KSR2: variants seen among roughly 807,000 people sequenced by gnomAD.
KSR2 encodes kinase suppressor of ras 2.
In KSR2, 25 loss-of-function variants were observed where a neutral mutation model predicts 107.8. That is an observed-to-expected ratio of 0.23 (90% CI 0.17 to 0.32). The LOEUF (loss-of-function observed/expected upper bound fraction) is 0.32. Ranked by LOEUF, KSR2 falls within the 10% of genes least tolerant of loss-of-function variation. The probability of loss-of-function intolerance (pLI) is 1.00; values close to 1 mark genes in which losing one functional copy is unlikely to be tolerated. For missense variants in KSR2, 887 were observed against 1,268.9 expected (o/e 0.70, Z 4.57); for synonymous variants, 480 against 507.0 (o/e 0.95, Z 0.71).
At chr12:117,600,848 T>C (rs1880900985) in intron 5 of KSR2, among the ~76,000 whole-genome samples, 1 of 152,104 alleles carries the variant, frequency 6.6e-6, no homozygotes, top group Non-Finnish European at 1.5e-5. Context: ...AAAGATGTTC[T>C]CTGTACTTGC....
rs569665328 is a variant in KSR2, at chr12:117,803,656, T to G, written c.473-42132A>C. ...AGGCGGAGCTTGCAATGAGCCGAGATCGCACCACTGCATTCCAGCCTGGGC... is the reference window on the plus strand; with the variant it reads ...AGGCGGAGCTTGCAATGAGCCGAGAGCGCACCACTGCATTCCAGCCTGGGC... On this transcript the variant is annotated intron_variant, in intron 3 of 19. Coordinates refer to ENST00000339824, the MANE Select transcript of KSR2 (RefSeq NM_173598.6). Among the ~76,000 whole-genome samples, 137 of 152,192 alleles carry G rather than the reference T, an allele frequency of 9.0e-4. 1 individual carries two copies. The highest frequency in any genetic ancestry group is 1.5e-3 in the Non-Finnish European group (99 of 68,010).
At chr12:117,899,740 C>A (rs1041486129) in intron 1 of KSR2, among the ~76,000 whole-genome samples, 17 of 152,140 alleles carry the variant, frequency 1.1e-4, no homozygotes, top group Non-Finnish European at 2.4e-4. Flanking sequence ...GATGGGATAT[C>A]ACTCCCATAA....
intron 5 of KSR2, among the ~76,000 whole-genome samples, chr12:117,640,869 C>T (rs1883325021): frequency 1.3e-5 from 2 of 152,124 alleles, no homozygotes; most frequent in African/African-American, 4.8e-5. Context: ...CTGAGAAGAG[C>T]TCATGTCACT....
In KSR2 at chr12:117,584,846, A is replaced by C. The variant is rs971107510; in HGVS notation, c.1172-2487T>G. 3.3e-5 allele frequency among the ~76,000 whole-genome samples: 5 copies of C among 152,340 alleles called. No individual in the cohort carries two copies. The East Asian group carries it at 9.6e-4, about 29-fold the overall frequency. On this transcript the variant is annotated intron_variant, in intron 5 of 19. Transcript: ENST00000339824. ...CAGGCTATCATTATTCCCGTTGTGC[A>C]AAGGAAAACAAAAGGAGCTCAGAGA... is the stretch of plus-strand genomic sequence containing the variant.
intron 7 of KSR2, among the ~76,000 whole-genome samples, chr12:117,568,498 T>C (rs1878677061): frequency 6.6e-6 from 1 of 152,176 alleles, no homozygotes; most frequent in Non-Finnish European, 1.5e-5. Context: ...AAGTCTGGGA[T>C]CGTGAATCTG....
chr12:117,728,102 G>A (rs1447545309), intron 4 of KSR2, among the ~76,000 whole-genome samples: 2 of 152,188 alleles, frequency 1.3e-5, no homozygotes, highest in African/African-American at 4.8e-5. Context: ...TGGGGTGGAG[G>A]AGAAATATTC....
chr12:117,917,768 A>G (rs930798540), intron 1 of KSR2, among the ~76,000 whole-genome samples: 3 of 152,172 alleles, frequency 2.0e-5, no homozygotes, highest in Non-Finnish European at 4.4e-5. Context: ...GCCTTACTGT[A>G]CATGGCCGAG....
intron 3 of KSR2, among the ~76,000 whole-genome samples, chr12:117,782,623 G>A (rs1315308964): frequency 6.6e-6 from 1 of 152,088 alleles, no homozygotes; most frequent in South Asian, 2.1e-4. Flanking sequence ...GACATTTTGC[G>A]AGTACCACCT....
chr12:117,965,166 A>G (rs1383670901), intron 1 of KSR2, among the ~76,000 whole-genome samples: 1 of 152,102 alleles, frequency 6.6e-6, no homozygotes, highest in Non-Finnish European at 1.5e-5. Context: ...CTTCACACTC[A>G]CCAGGTCCTC....
At chr12:117,601,914 A>AC (rs1880979427) in intron 5 of KSR2, among the ~76,000 whole-genome samples, 1 of 152,124 alleles carries the variant, frequency 6.6e-6, no homozygotes. Context: ...GGCCCAGCAA[A>AC]CATTTTCAGT....
intron 3 of KSR2, among the ~76,000 whole-genome samples, chr12:117,848,636 A>G (rs1050257843): frequency 6.6e-6 from 1 of 152,220 alleles, no homozygotes; most frequent in Non-Finnish European, 1.5e-5. Flanking sequence ...AGAGTGCTTA[A>G]TTAGAAAGGC....
Position 117,964,009 on chromosome 12 carries a change from G to A in KSR2, c.180+4067C>T, listed in dbSNP as rs139907383. ...AAATCCCAGGAGAAATCCTTGGGCC[G>A]GGTGCAGTGGCTCACGCCTGCACTT... On this transcript the variant is annotated intron_variant, in intron 1 of 19. Transcript: ENST00000339824. Among the ~76,000 whole-genome samples the A allele has an allele frequency of 8.5e-3, 1,296 of 152,262 alleles. 9 individuals carry two copies. The highest frequency in any genetic ancestry group is 0.013 in the Non-Finnish European group (870 of 68,028).
chr12:117,789,229 A>G (rs370615196), intron 3 of KSR2, among the ~76,000 whole-genome samples: 2 of 152,342 alleles, frequency 1.3e-5, no homozygotes, highest in East Asian at 3.9e-4. Flanking sequence ...TGGTAGGTGG[A>G]TGCCTTCTGT....
chr12:117,742,218 A>C (rs1247060689), intron 4 of KSR2, among the ~76,000 whole-genome samples: 1 of 152,250 alleles, frequency 6.6e-6, no homozygotes, highest in African/African-American at 2.4e-5. Context: ...TGATTAAAGG[A>C]AACTGAGGGG....
At chr12:117,476,338 C>T (rs1024636207) in intron 17 of KSR2, 126 bp downstream of exon 17, 9 of 1,240,722 alleles carry the variant, frequency 7.3e-6, no homozygotes, top group African/African-American at 3.1e-5. Flanking sequence ...CATTCTCACC[C>T]AAAAATCCAG....
chr12:117,630,358 A>G (rs566067441), intron 5 of KSR2, among the ~76,000 whole-genome samples: 26 of 142,822 alleles, frequency 1.8e-4, no homozygotes, highest in Non-Finnish European at 3.8e-4. Flanking sequence ...AAAGGAAGAA[A>G]ATGTGTGTGT....
At chr12:117,570,307 T>C (rs1041839955) in intron 7 of KSR2, among the ~76,000 whole-genome samples, 2 of 152,072 alleles carry the variant, frequency 1.3e-5, no homozygotes, top group Non-Finnish European at 1.5e-5. Flanking sequence ...ACGTTTTTGA[T>C]GGTCACAACT....
At chr12:117,789,719 C>A (rs1403508483) in intron 3 of KSR2, among the ~76,000 whole-genome samples, 1 of 152,172 alleles carries the variant, frequency 6.6e-6, no homozygotes, top group Non-Finnish European at 1.5e-5. Context: ...GAGGGAAGCC[C>A]CTCCCCTCCA....
At position 117,892,109 on chromosome 12, in the gene KSR2, G is replaced by C. The variant is rs560410732; in HGVS notation, c.181-31678C>G. ...AAGGTAGGAGTTCGAGACCAGCCTG[G>C]CTAACATGATGAAACCCCGTCTCTA... On this transcript the variant is annotated intron_variant, in intron 1 of 19. Transcript: ENST00000339824. Among the ~76,000 whole-genome samples, 3 of 152,228 alleles carry C rather than the reference G, an allele frequency of 2.0e-5. No homozygotes were observed. The South Asian group carries it at 6.2e-4, about 32-fold the overall frequency.
Sources: allele counts gnomAD v4.1 joint callset (sites outside exome capture counted in the v4.1 genomes callset), GRCh38; gene constraint gnomAD v4.1.1; transcripts MANE v1.5; gene names NCBI Gene and HGNC (gene_info 2026-07-23, HGNC 2026-07-21).